UBE2Q2: variants seen among roughly 807,000 people sequenced by gnomAD.
The protein encoded by UBE2Q2 is ubiquitin conjugating enzyme E2 Q2.
In UBE2Q2, 54 loss-of-function variants were observed where a neutral mutation model predicts 59.9. The ratio of observed to expected loss-of-function variants is 0.90; its 90% confidence interval spans 0.72 to 1.13. UBE2Q2 has a LOEUF of 1.13. Ranked by LOEUF, UBE2Q2 falls within the 50% of genes most tolerant of loss-of-function variation. The pLI is 0.00. For missense variants in UBE2Q2, 433 were observed against 441.9 expected, an observed-to-expected ratio of 0.98 and a Z score of 0.18; for synonymous variants, 165 against 155.2, an observed-to-expected ratio of 1.06 and a Z score of -0.47.
At chr15:75,859,820 T>C (rs1897118027) in intron 2 of UBE2Q2, 58 bp from the exon 3 acceptor site, 2 of 1,252,762 alleles carry the variant, frequency 1.6e-6, no homozygotes, top group African/African-American at 1.5e-5. Context: ...CATAACATTA[T>C]TGATGTCTTC....
At chr15:75,861,520 T>G (rs1897207889) in intron 3 of UBE2Q2, among the ~76,000 whole-genome samples, 1 of 152,212 alleles carries the variant, frequency 6.6e-6, no homozygotes, top group Non-Finnish European at 1.5e-5. Flanking sequence ...ATTTGGAATC[T>G]TGAATCTTCT....
intron 1 of UBE2Q2, 113 bp downstream of exon 1, chr15:75,843,959 G>A: frequency 2.1e-6 from 3 of 1,411,040 alleles, no homozygotes; most frequent in East Asian, 2.8e-5. Context: ...CCCGGGCGGG[G>A]CAGGCCCGCC....
intron 9 of UBE2Q2, among the ~76,000 whole-genome samples, chr15:75,888,119 G>A (rs1441725617): frequency 6.6e-6 from 1 of 152,018 alleles, no homozygotes; most frequent in Non-Finnish European, 1.5e-5. Context: ...ATGATAAAAC[G>A]CTTCGAAGTG....
At chr15:75,876,067 A>AAAG in intron 5 of UBE2Q2, 120 bp from the exon 6 acceptor site, 1 of 741,648 alleles carries the variant, frequency 1.3e-6, no homozygotes, top group Non-Finnish European at 1.9e-6. Flanking sequence ...TCCATCTCCA[A>AAAG]AAAAAAAAAA....
chr15:75,873,398 A>G, intron 4 of UBE2Q2, 30 bp from the exon 5 acceptor site: 1 of 1,560,214 alleles, frequency 6.4e-7, no homozygotes, highest in East Asian at 2.3e-5. Context: ...AAATAGGTTG[A>G]ATAAGCTAAC....
At chr15:75,869,108 A>G (rs1263175605) in intron 4 of UBE2Q2, 98 bp downstream of exon 4, 3 of 1,002,222 alleles carry the variant, frequency 3.0e-6, no homozygotes, top group Non-Finnish European at 4.4e-6. Flanking sequence ...TTAATGTGGA[A>G]TAATTGAAAG....
chr15:75,878,067 A>G (rs1470861900), intron 7 of UBE2Q2, 46 bp downstream of exon 7: 3 of 1,530,670 alleles, frequency 2.0e-6, no homozygotes, highest in African/African-American at 1.4e-5. Context: ...ATGGTAGACT[A>G]TCACAGTGGA....
intron 3 of UBE2Q2, among the ~76,000 whole-genome samples, chr15:75,866,886 T>C (rs1266864783): frequency 6.6e-6 from 1 of 152,210 alleles, no homozygotes; most frequent in Non-Finnish European, 1.5e-5. Flanking sequence ...GTTTTAAAAT[T>C]CTATTTATTT....
intron 9 of UBE2Q2, among the ~76,000 whole-genome samples, chr15:75,883,765 A>C (rs1489199110): frequency 6.6e-6 from 1 of 152,168 alleles, no homozygotes; most frequent in African/African-American, 2.4e-5. Context: ...CCACACCTAG[A>C]ACCATTAGTT....
At chr15:75,864,377 G>A (rs535409681) in intron 3 of UBE2Q2, among the ~76,000 whole-genome samples, 1 of 151,952 alleles carries the variant, frequency 6.6e-6, no homozygotes, top group Non-Finnish European at 1.5e-5. Context: ...CATGGTAGGG[G>A]TGCTGTTGGC....
chr15:75,893,839 A>C (rs1899244060), intron 11 of UBE2Q2, among the ~76,000 whole-genome samples: 1 of 152,220 alleles, frequency 6.6e-6, no homozygotes, highest in Admixed American at 6.5e-5. Flanking sequence ...AGTAAAATGA[A>C]ATTTTAAAAT....
chr15:75,849,109 G>C (rs1268230138), intron 1 of UBE2Q2, among the ~76,000 whole-genome samples: 1 of 152,146 alleles, frequency 6.6e-6, no homozygotes, highest in Non-Finnish European at 1.5e-5. Context: ...TGGGCTCTAG[G>C]TTAGCTACTT....
intron 4 of UBE2Q2, among the ~76,000 whole-genome samples, chr15:75,872,158 G>T (rs1281526177): frequency 6.6e-6 from 1 of 151,840 alleles, no homozygotes; most frequent in African/African-American, 2.4e-5. Context: ...GGCCGGGGAG[G>T]TGAAGGCTGC....
At chr15:75,847,365 A>G (rs1415754125) in intron 1 of UBE2Q2, among the ~76,000 whole-genome samples, 1 of 152,216 alleles carries the variant, frequency 6.6e-6, no homozygotes, top group African/African-American at 2.4e-5. Context: ...AATTGACTTC[A>G]TATGAGAGTG....
chr15:75,864,367 C>T (rs1039866939), intron 3 of UBE2Q2, among the ~76,000 whole-genome samples: 1 of 151,852 alleles, frequency 6.6e-6, no homozygotes. Context: ...CACAACTGGT[C>T]ATGGTAGGGG....
chr15:75,898,783 A>G (rs923643726), intron 12 of UBE2Q2, among the ~76,000 whole-genome samples: 17 of 152,208 alleles, frequency 1.1e-4, no homozygotes, highest in South Asian at 2.1e-4. Context: ...CTTACTTTCA[A>G]GTATAGAACT....
At chr15:75,881,373 A>AT (rs1245195309) in intron 8 of UBE2Q2, among the ~76,000 whole-genome samples, 1 of 151,600 alleles carries the variant, frequency 6.6e-6, no homozygotes, top group Non-Finnish European at 1.5e-5. Flanking sequence ...TGTTTTCATT[A>AT]TTTTTTCCTG....
intron 11 of UBE2Q2, among the ~76,000 whole-genome samples, chr15:75,891,716 A>G (rs1899119088): frequency 6.6e-6 from 1 of 152,190 alleles, no homozygotes; most frequent in African/African-American, 2.4e-5. Flanking sequence ...GATGTTGTTC[A>G]GGCTGGTTTT....
At chr15:75,844,788 G>A (rs897787635) in intron 1 of UBE2Q2, among the ~76,000 whole-genome samples, 1 of 152,148 alleles carries the variant, frequency 6.6e-6, no homozygotes, top group African/African-American at 2.4e-5. Flanking sequence ...AGGCGTCAAG[G>A]TGGTGGCTTC....
Sources: allele counts gnomAD v4.1 joint callset (sites outside exome capture counted in the v4.1 genomes callset), GRCh38; gene constraint gnomAD v4.1.1; transcripts MANE v1.5; gene names NCBI Gene and HGNC (gene_info 2026-07-23, HGNC 2026-07-21).